The following MYO6 variants were observed in gnomAD, a reference collection of about 807,000 sequenced individuals.
MYO6 encodes myosin VI, also known as unconventional myosin-VI.
Under a neutral mutation model 178.7 loss-of-function variants are expected in MYO6, and 74 were observed. The observed-to-expected ratio is 0.41, with a 90% CI of 0.34 to 0.50. MYO6 has a LOEUF of 0.50. MYO6 is among the 20% of genes least tolerant of loss of function. The pLI, the probability that MYO6 is intolerant of heterozygous loss-of-function variation, is 0.09. For missense variants in MYO6, 1,330 were observed against 1,547.4 expected, an observed-to-expected ratio of 0.86 and a Z score of 2.36; for synonymous variants, 477 against 504.6, an observed-to-expected ratio of 0.95 and a Z score of 0.73.
intron 13 of MYO6, 49 bp downstream of exon 13, chr6:75,857,303 C>T (rs968629759): frequency 4.5e-6 from 7 of 1,559,426 alleles, no homozygotes; most frequent in Middle Eastern, 1.7e-4. Context: ...TATTTTTTCA[C>T]ACATTAGAAT....
At chr6:75,875,276 AT>A (rs1358215928) in intron 20 of MYO6, among the ~76,000 whole-genome samples, 5 of 151,744 alleles carry the variant, frequency 3.3e-5, no homozygotes, top group African/African-American at 4.8e-5. Context: ...TTAATTAAAA[AT>A]TTTTTTTTGG....
At position 75,881,800 on chromosome 6, in the gene MYO6, T is replaced by C. The variant is rs1778052062; in HGVS notation, c.2398T>C (p.Ser800Pro). ...TCGCTGGAAGAAAGTTCAGTGGTGC[T>C]CACTCTCAGTCATCAAATGTAGGTG... ...CSRWKKVQWC[S>P]LSVIKLKNKI... Residue 800 changes from serine to proline, a missense_variant, in exon 23 of 35, where the codon TCA becomes CCA. Physicochemically the swap from Ser to Pro is moderately conservative, Grantham distance 74. This residue lies in a region of MYO6 where 601 missense variants were observed against 626.1 expected (regional missense o/e 0.96). Transcript: ENST00000369977. 1 of 1,613,814 alleles carries C rather than the reference T, an allele frequency of 6.2e-7. No individual in the cohort carries two copies.
intron 3 of MYO6, among the ~76,000 whole-genome samples, chr6:75,825,661 A>G (rs1772392830): frequency 6.6e-6 from 1 of 152,194 alleles, no homozygotes; most frequent in South Asian, 2.1e-4. Flanking sequence ...CTGTAATGGA[A>G]TGACTTCTAC....
In MYO6 at chr6:75,840,644, C is replaced by T. The variant is rs557441143; in HGVS notation, c.613C>T (p.Arg205Ter). 5 of 1,613,516 alleles carry T rather than the reference C, an allele frequency of 3.1e-6. No individual in the cohort carries two copies. The highest frequency in any genetic ancestry group is 1.1e-5 in the South Asian group (1 of 91,042). Reference protein sequence around the residue: ...AKTVRNNNSSRFGKFVEIHFN... With the variant: ...AKTVRNNNSS ...GACTGTTCGCAACAATAATAGCAGT[C>T]GATTTGGGAAATTTGTAGAAATACA... The change falls in exon 8 of 35, where the codon CGA becomes TGA. Residue 205 changes from arginine to a stop codon, truncating the protein, a stop_gained. Coordinates refer to ENST00000369977, the MANE Select transcript of MYO6 (RefSeq NM_004999.4). LOFTEE classifies it high-confidence loss of function.
At chr6:75,802,515 G>A (rs113007661) in intron 1 of MYO6, among the ~76,000 whole-genome samples, 17 of 141,808 alleles carry the variant, frequency 1.2e-4, no homozygotes, top group African/African-American at 4.2e-4. Flanking sequence ...ACTGAGTCTC[G>A]CTCTGTCACC....
rs67653365 is a variant in MYO6 at position 75,756,910 on chromosome 6, T to TATATACAC, written c.-48+7488_-48+7489insTATACACA. Among the ~76,000 whole-genome samples the TATATACAC allele has an allele frequency of 5.6e-3, 698 of 123,938 alleles. 21 individuals are homozygous for TATATACAC. The highest frequency in any genetic ancestry group is 0.021 in the African/African-American group (654 of 30,972). 81.3% of individuals were successfully genotyped at this position (123,938 alleles called of 152,430 possible). On this transcript the variant is annotated intron_variant, in intron 1 of 34. Coordinates refer to ENST00000369977, the MANE Select transcript of MYO6 (RefSeq NM_004999.4). ...TTGTGTGTGTATATATATATATATA[T>TATATACAC]ACACATATATATACACACCATATAT...
At chr6:75,903,844 A>G (rs1780032511) in intron 30 of MYO6, among the ~76,000 whole-genome samples, 2 of 151,770 alleles carry the variant, frequency 1.3e-5, no homozygotes, top group Admixed American at 1.3e-4. Flanking sequence ...ACATTTTGGC[A>G]TGATTTTGCA....
chr6:75,831,058 C>T lies in MYO6; in HGVS notation c.391+513C>T, dbSNP rs1773026426. ...TAAAAGTAGTATATGCTTCATACCA[C>T]TGGAGAATCTATGTGGGAAGACAGT... is the stretch of plus-strand genomic sequence containing the variant. On this transcript the variant is annotated intron_variant, in intron 5 of 34. Transcript: ENST00000369977. Among the ~76,000 whole-genome samples, 5 of 152,174 alleles carry T rather than the reference C, an allele frequency of 3.3e-5. No homozygotes were observed. The South Asian group carries it at 1.0e-3, about 32-fold the overall frequency.
At chr6:75,845,472 C>T (rs536507862) in intron 10 of MYO6, among the ~76,000 whole-genome samples, 5 of 152,056 alleles carry the variant, frequency 3.3e-5, no homozygotes, top group East Asian at 3.9e-4. Flanking sequence ...GCGGGAGGAT[C>T]GTTTGAAGCC....
chr6:75,838,682 G>C (rs1439730944), intron 7 of MYO6, among the ~76,000 whole-genome samples: 1 of 143,576 alleles, frequency 7.0e-6, no homozygotes, highest in Admixed American at 7.1e-5. Flanking sequence ...TTTTTTTTGA[G>C]TTGGAGTCTC....
intron 1 of MYO6, among the ~76,000 whole-genome samples, chr6:75,774,098 T>C (rs1766142862): frequency 6.6e-6 from 1 of 152,222 alleles, no homozygotes; most frequent in Non-Finnish European, 1.5e-5. Flanking sequence ...AACACCTTGC[T>C]ATAGCCCCAC....
chr6:75,892,693 A>G lies in MYO6; in HGVS notation c.3107+3A>G, dbSNP rs1163007314. The G allele has an allele frequency of 1.2e-6, 2 of 1,611,954 alleles. No homozygotes were observed. Among genetic ancestry groups the G allele is most frequent in the Non-Finnish European group, 1.7e-6 (2 of 1,179,828 alleles). Reference sequence around the variant, plus strand: ...CAGGCCGACCTGGCGCTGCGGAGGTACTGGGGCCCCTGGGTGGGGTATAGC... The same window carrying G: ...CAGGCCGACCTGGCGCTGCGGAGGTGCTGGGGCCCCTGGGTGGGGTATAGC... On this transcript the variant is annotated splice_donor_region_variant and intron_variant, in intron 28 of 34. Coordinates refer to ENST00000369977, the MANE Select transcript of MYO6 (RefSeq NM_004999.4).
chr6:75,758,616 A>G (rs1213636252), intron 1 of MYO6, among the ~76,000 whole-genome samples: 2 of 151,872 alleles, frequency 1.3e-5, no homozygotes, highest in African/African-American at 4.8e-5. Context: ...TCCCGCCACC[A>G]CGCCCAGCTA....
Position 75,749,330 on chromosome 6 carries a change from C to G in MYO6, c.-141C>G, listed in dbSNP as rs1168185841. ...CCTGGTGCCCGTCCGCGTCGTCGCC[C>G]TCTTCACTGGCCCTCATCACTTCTC... is the stretch of plus-strand genomic sequence containing the variant. On this transcript the variant is annotated 5_prime_UTR_variant, in exon 1 of 35. Coordinates refer to ENST00000369977, the MANE Select transcript of MYO6 (RefSeq NM_004999.4). 6.5e-6 allele frequency: 1 copy of G among 153,560 alleles called. No homozygotes were observed. Among genetic ancestry groups the G allele is most frequent in the African/African-American group, 2.4e-5 (1 of 41,478 alleles). The allele number at this position is 153,560 out of a possible 1,614,324, so 9.5% of individuals were successfully genotyped here.
chr6:75,818,573 T>G (rs896094169), intron 2 of MYO6, among the ~76,000 whole-genome samples: 2 of 152,216 alleles, frequency 1.3e-5, no homozygotes, highest in Non-Finnish European at 2.9e-5. Flanking sequence ...CTGTTTACTT[T>G]AGACTGAAAA....
chr6:75,894,168 A>G (rs1011444209), intron 28 of MYO6, among the ~76,000 whole-genome samples: 1 of 152,238 alleles, frequency 6.6e-6, no homozygotes, highest in African/African-American at 2.4e-5. Flanking sequence ...AGCTGTATCC[A>G]GTGCCATTCC....
At chr6:75,841,798 C>T (rs891910337) in intron 9 of MYO6, among the ~76,000 whole-genome samples, 4 of 152,148 alleles carry the variant, frequency 2.6e-5, no homozygotes, top group East Asian at 3.8e-4. Context: ...ATGTAACTTA[C>T]ATTGGATCAA....
Position 75,862,649 on chromosome 6 carries a change from C to G in MYO6, c.1600C>G (p.Arg534Gly). The change falls in exon 16 of 35, where the codon CGC becomes GGC. Residue 534 changes from arginine (R) to glycine (G), a missense_variant. Physicochemically the swap from Arg to Gly is moderately radical, Grantham distance 125. Transcript: ENST00000369977. Reference sequence around the variant, plus strand: ...ACTGGATATTTTGGATGAAGAAAATCGCCTTCCCCAGCCAAGTGATCAACA... The same window carrying G: ...ACTGGATATTTTGGATGAAGAAAATGGCCTTCCCCAGCCAAGTGATCAACA... The part of the protein sequence containing the change: ...GILDILDEEN[R>G]LPQPSDQHFT... The G allele has an allele frequency of 6.2e-7, 1 of 1,613,790 alleles. No individual in the cohort carries two copies. Among genetic ancestry groups the G allele is most frequent in the Non-Finnish European group, 8.5e-7 (1 of 1,179,798 alleles).
chr6:75,807,893 A>G (rs969157555), intron 1 of MYO6, among the ~76,000 whole-genome samples: 1 of 152,130 alleles, frequency 6.6e-6, no homozygotes, highest in Non-Finnish European at 1.5e-5. Flanking sequence ...AGAATGCCTT[A>G]AATGTCTACA....
Sources: allele counts gnomAD v4.1 joint callset (sites outside exome capture counted in the v4.1 genomes callset), GRCh38; gene constraint gnomAD v4.1.1; regional missense constraint gnomAD v4.1.1; transcripts MANE v1.5; gene names NCBI Gene and HGNC (gene_info 2026-07-23, HGNC 2026-07-21).